Variants in SEMA6C observed in about 807,000 individuals in gnomAD.
The protein encoded by SEMA6C is semaphorin 6C, also known as semaphorin-6C.
Under a neutral mutation model 72.9 loss-of-function variants are expected in SEMA6C, and 37 were observed. The ratio of observed to expected loss-of-function variants is 0.51; its 90% CI spans 0.39 to 0.67. The LOEUF is 0.67. Ranked by LOEUF, SEMA6C falls within the 30% of genes least tolerant of loss-of-function variation. The pLI is 0.00. For synonymous variants in SEMA6C, 578 were observed against 554.1 expected (o/e 1.04, Z -0.61); for missense variants, 1,189 against 1,263.6 (o/e 0.94, Z 0.89).
intron 16 of SEMA6C, 35 bp from the exon 17 acceptor site, chr1:151,134,710 A>G: frequency 6.2e-7 from 1 of 1,613,342 alleles, no homozygotes; most frequent in Non-Finnish European, 8.5e-7. Flanking sequence ...AGAATTCTGT[A>G]CGTTGTCCGT....
intron 3 of SEMA6C, among the ~76,000 whole-genome samples, chr1:151,141,714 CTT>C (rs373907379): frequency 1.3e-5 from 1 of 76,500 alleles, no homozygotes; most frequent in African/African-American, 4.8e-5. Context: ...GCCCAGCTGA[CTT>C]TTTTTTTTTA....
At chr1:151,140,138 C>G (rs1428093998) in intron 3 of SEMA6C, 48 bp from the exon 4 acceptor site, 1 of 1,494,570 alleles carries the variant, frequency 6.7e-7, no homozygotes. Context: ...CAAACTTCCC[C>G]AACACCCTCT....
At position 151,132,162 on chromosome 1, in the gene SEMA6C, G is replaced by C; in HGVS notation, c.*322C>G. 2 of 1,390,326 alleles carry C rather than the reference G, an allele frequency of 1.4e-6. No homozygotes were observed. Among genetic ancestry groups the C allele is most frequent in the Non-Finnish European group, 1.9e-6 (2 of 1,058,120 alleles). The allele number at this position is 1,390,326 out of a possible 1,614,324, so 86.1% of individuals were successfully genotyped here. A position where few individuals can be genotyped will look rare whatever the true frequency, so the allele number is the denominator to read the frequency against. On this transcript the variant is annotated 3_prime_UTR_variant, in exon 19 of 19. Coordinates refer to ENST00000368914, the MANE Select transcript of SEMA6C (RefSeq NM_030913.6). ...TGGACACAGCGCGCGCGGCCCGCCC[G>C]GGGCACAGTCTCTGGGGGAGCCCCG...
Position 151,132,616 on chromosome 1 carries a change from G to A in SEMA6C, c.2661C>T (p.Gly887=). 1.3e-6 allele frequency: 2 copies of A among 1,551,188 alleles called. No homozygotes were observed. The highest frequency in any genetic ancestry group is 1.7e-6 in the Non-Finnish European group (2 of 1,147,180). ...GGPGKHLLYL[G]RPEGYRGRAL... ...CGCGGCCCCGGTAGCCCTCGGGCCG[G>A]CCCAGGTACAGGAGGTGCTTCCCGG... The change falls in exon 19 of 19, where the codon GGC becomes GGT. Residue 887 remains glycine (G), a synonymous_variant. Transcript: ENST00000368914.
chr1:151,132,440 A>G lies in SEMA6C; in HGVS notation c.*44T>C, dbSNP rs1022213124. 1 of 1,530,820 alleles carries G rather than the reference A, an allele frequency of 6.5e-7. No homozygotes were observed. The highest frequency in any genetic ancestry group is 1.4e-5 in the African/African-American group (1 of 72,122). 94.8% of individuals were successfully genotyped at this position (1,530,820 alleles called of 1,614,324 possible). ...GAAGAGCGTCCAGCTCGTGGCCGAG[A>G]GGACTCGGGCGCTCCCCACGCTGGA... On this transcript the variant is annotated 3_prime_UTR_variant, in exon 19 of 19. Transcript: ENST00000368914.
In SEMA6C at chr1:151,138,628, A is replaced by T; in HGVS notation, c.456+2T>A. 1 of 1,612,320 alleles carries T rather than the reference A, an allele frequency of 6.2e-7. No individual in the cohort carries two copies. The highest frequency in any genetic ancestry group is 8.5e-7 in the Non-Finnish European group (1 of 1,178,688). On this transcript the variant is annotated splice_donor_variant, in intron 7 of 18. Transcript: ENST00000368914. LOFTEE classifies it high-confidence loss of function. ...TCCTAACCCCCACCCTCTCTTTTGT[A>T]CCCCATAGCTGCGGCACACAGGGCT...
chr1:151,139,542 G>A, intron 5 of SEMA6C, 61 bp from the exon 6 acceptor site: 2 of 1,599,804 alleles, frequency 1.3e-6, no homozygotes, highest in East Asian at 2.2e-5. Flanking sequence ...TCACATTATG[G>A]CTCCTTTTAG....
Position 151,140,031 on chromosome 1 carries a change from C to T in SEMA6C, c.178G>A (p.Gly60Arg). The change falls in exon 4 of 19, where the codon GGG becomes AGG. Residue 60 changes from glycine (G) to arginine (R), a missense_variant. Transcript: ENST00000368914. Reference protein sequence around the residue: ...LEDDAVAAELGLDFQRFLTLN... With the variant: ...LEDDAVAAELRLDFQRFLTLN... ...GTCAGGAATCTCTGAAAGTCCAGCC[C>T]AAGTTCTGCAGCCACAGCATCATCC... is the stretch of plus-strand genomic sequence containing the variant. 1 of 1,614,154 alleles carries T rather than the reference C, an allele frequency of 6.2e-7. No homozygotes were observed.
Position 151,136,053 on chromosome 1 carries a change from A to G in SEMA6C, c.1217T>C (p.Val406Ala). The change falls in exon 13 of 19, where the codon GTA becomes GCA. Residue 406 changes from valine to alanine, a missense_variant. Transcript: ENST00000368914. Reference sequence around the variant, plus strand: ...TAGAGGCTGATGGGTGACAGGTGGTACAGCGGGGTCCAGCAGCGGGTGAGC... The same window carrying G: ...TAGAGGCTGATGGGTGACAGGTGGTGCAGCGGGGTCCAGCAGCGGGTGAGC... ...IKAHPLLDPA[V>A]PPVTHQPLLT... 1 of 1,614,158 alleles carries G rather than the reference A, an allele frequency of 6.2e-7. No individual in the cohort carries two copies. Among genetic ancestry groups the G allele is most frequent in the Non-Finnish European group, 8.5e-7 (1 of 1,180,026 alleles).
chr1:151,134,828 C>T lies in SEMA6C; in HGVS notation c.1628G>A (p.Arg543Lys), dbSNP rs74127528. ...AGATCCCCTGATATCCACACAGCCCCTGGAGCTATGCCATCCACAGTATGG... is the reference window on the plus strand; with the variant it reads ...AGATCCCCTGATATCCACACAGCCCTTGGAGCTATGCCATCCACAGTATGG... The part of the protein sequence containing the change: ...QDPYCGWHSS[R>K]GCVDIRGSGG... Residue 543 changes from arginine to lysine, a missense_variant, in exon 16 of 19, where the codon AGG becomes AAG. Arg to Lys is a conservative substitution (Grantham distance 26). Around this residue, in one of 2 missense-constraint regions of SEMA6C, gnomAD observed 721 missense variants for 686.2 expected, o/e 1.05. Transcript: ENST00000368914. The T allele has an allele frequency of 1.2e-6, 2 of 1,614,190 alleles. No homozygotes were observed. Among genetic ancestry groups the T allele is most frequent in the African/African-American group, 2.7e-5 (2 of 75,028 alleles).
chr1:151,133,085 C>T lies in SEMA6C; in HGVS notation c.2192G>A (p.Gly731Asp). Residue 731 changes from glycine (G) to aspartate (D), a missense_variant, in exon 19 of 19, where the codon GGT becomes GAT. Physicochemically the swap from Gly to Asp is moderately conservative, Grantham distance 94 (BLOSUM62 -1). Around this residue, in one of 2 missense-constraint regions of SEMA6C, gnomAD observed 721 missense variants for 686.2 expected, o/e 1.05. Transcript: ENST00000368914. The surrounding 1 kb of genome is among the most constrained non-coding windows in gnomAD (Gnocchi z 5.9). ...WNQNRNNAKE[G>D]PGRSRGGHAA... ...GTGCCCGCCCCGTGAGCGGCCCGGA[C>T]CCTCCTTGGCGTTGTTCCTGTTCTG... 1 of 1,547,304 alleles carries T rather than the reference C, an allele frequency of 6.5e-7. No homozygotes were observed. Among genetic ancestry groups the T allele is most frequent in the East Asian group, 2.5e-5 (1 of 40,356 alleles).
At position 151,132,711 on chromosome 1, in the gene SEMA6C, C is replaced by T. The variant is rs1478749483; in HGVS notation, c.2566G>A (p.Gly856Ser). The change falls in exon 19 of 19, where the codon GGC becomes AGC. Residue 856 changes from glycine (G) to serine (S), a missense_variant. Gly to Ser is a moderately conservative substitution (Grantham distance 56). Transcript: ENST00000368914. ...AGCAGGGCAGGGGGGGCCCGGTGGC[C>T]GGAGAAAGGCAACCTCCGGCCTCCG... is the stretch of plus-strand genomic sequence containing the variant. ...VGGGRRLPFS[G>S]HRAPPALLTR... is the part of the protein sequence containing the mutation. 3 of 1,485,702 alleles carry T rather than the reference C, an allele frequency of 2.0e-6. No individual in the cohort carries two copies. The South Asian group carries it at 3.9e-5, about 19-fold the overall frequency. The allele number at this position is 1,485,702 out of a possible 1,614,324, so 92.0% of individuals were successfully genotyped here.
intron 18 of SEMA6C, 55 bp downstream of exon 18, chr1:151,134,346 C>T: frequency 4.8e-6 from 7 of 1,466,808 alleles, no homozygotes; most frequent in South Asian, 1.2e-5. Context: ...ACAGGACACA[C>T]ACTCAGGTAT....
rs932387944 is a variant in SEMA6C, at chr1:151,145,504, CA to C, written c.-105+928del. On this transcript the variant is annotated intron_variant, in intron 1 of 18. Transcript: ENST00000368914. The surrounding 1 kb of genome is among the most constrained non-coding windows in gnomAD (Gnocchi z 4.4). ...CTTCCCACCCAACCCCCAACCAGGA[CA>C]ATCCAGGTGTCTAAAGCCTCGAAAA... 2.6e-5 allele frequency: 4 copies of C among 152,522 alleles called. No individual in the cohort carries two copies. The highest frequency in any genetic ancestry group is 5.9e-5 in the Non-Finnish European group (4 of 68,276). The allele number at this position is 152,522 out of a possible 1,614,324, so 9.4% of individuals were successfully genotyped here. A position where few individuals can be genotyped will look rare whatever the true frequency, so the allele number is the denominator to read the frequency against.
At position 151,134,319 on chromosome 1, in the gene SEMA6C, G is replaced by A. The variant is rs78079823; in HGVS notation, c.1759+82C>T. The A allele has an allele frequency of 9.0e-5, 119 of 1,322,676 alleles. No homozygotes were observed. The African/African-American group carries it at 1.6e-3, about 18-fold the overall frequency. 81.9% of individuals were successfully genotyped at this position (1,322,676 alleles called of 1,614,324 possible). On this transcript the variant is annotated intron_variant, in intron 18 of 18. Coordinates refer to ENST00000368914, the MANE Select transcript of SEMA6C (RefSeq NM_030913.6). Reference sequence around the variant, plus strand: ...CCGATACTCCCAGGGTATTCAGAATGCTGCTCTGCTGCTGCTACAGGACAC... The same window carrying A: ...CCGATACTCCCAGGGTATTCAGAATACTGCTCTGCTGCTGCTACAGGACAC...
At chr1:151,134,001 TG>T in intron 18 of SEMA6C, 1 of 718,342 alleles carries the variant, frequency 1.4e-6, no homozygotes, top group Non-Finnish European at 2.3e-6. Context: ...GGGCCGGGGG[TG>T]GGCATCACTG....
chr1:151,132,872 G>C lies in SEMA6C; in HGVS notation c.2405C>G (p.Ala802Gly), dbSNP rs1343534003. 1 of 1,297,470 alleles carries C rather than the reference G, an allele frequency of 7.7e-7. No individual in the cohort carries two copies. The highest frequency in any genetic ancestry group is 3.7e-5 in the East Asian group (1 of 26,852). The allele number at this position is 1,297,470 out of a possible 1,614,324, so 80.4% of individuals were successfully genotyped here. Residue 802 changes from alanine (A) to glycine (G), a missense_variant, in exon 19 of 19, where the codon GCC becomes GGC. Ala to Gly is a moderately conservative substitution (Grantham distance 60). Transcript: ENST00000368914. ...CCTGGGGCTGGGGCCGCCCAAGAGG[G>C]CGGGGGCGGGCTCCGGCGGGAGCGC... is the stretch of plus-strand genomic sequence containing the variant. ...SRALPPEPAP[A>G]LLGGPSPRPH...
rs1418719703 is a variant in SEMA6C, at chr1:151,136,647, T to C, written c.975-68A>G. On this transcript the variant is annotated intron_variant, in intron 11 of 18. Transcript: ENST00000368914. The stretch of plus-strand genomic sequence containing the variant: ...CTGCACAACTTCCCCCAGGAAGAAG[T>C]GGTGGCACCCTTCATACCACATTAA... The C allele has an allele frequency of 3.8e-6, 6 of 1,583,830 alleles. No homozygotes were observed. In the African/African-American group the frequency reaches 6.7e-5, roughly 18 times the overall value.
At chr1:151,140,213 T>C in intron 3 of SEMA6C, 123 bp from the exon 4 acceptor site, 3 of 734,000 alleles carry the variant, frequency 4.1e-6, no homozygotes, top group Non-Finnish European at 7.3e-6. Flanking sequence ...CAAAAGCTAT[T>C]CTTAATACCA....
Sources: allele counts gnomAD v4.1 joint callset (sites outside exome capture counted in the v4.1 genomes callset), GRCh38; gene constraint gnomAD v4.1.1; regional missense constraint gnomAD v4.1.1; non-coding constraint Gnocchi (gnomAD v3.1); transcripts MANE v1.5; gene names NCBI Gene and HGNC (gene_info 2026-07-23, HGNC 2026-07-21).